The following PDE4B variants were observed in gnomAD, a reference collection of about 807,000 sequenced individuals.
PDE4B encodes 3',5'-cyclic-AMP phosphodiesterase 4B.
PDE4B carries 20 observed loss-of-function variants against 82.2 expected under a neutral mutation model. The observed-to-expected ratio is 0.24, with a 90% CI of 0.17 to 0.35. The LOEUF (loss-of-function observed/expected upper bound fraction) is 0.35, where lower values mean the gene tolerates loss of function less well. Ranked by LOEUF, PDE4B falls within the 10% of genes least tolerant of loss-of-function variation. The probability of loss-of-function intolerance (pLI) is 1.00; values close to 1 mark genes in which losing one functional copy is unlikely to be tolerated. For synonymous variants in PDE4B, 320 were observed against 318.9 expected (o/e 1.00, Z -0.04); for missense variants, 655 against 907.2 (o/e 0.72, Z 3.57).
intron 3 of PDE4B, among the ~76,000 whole-genome samples, chr1:66,166,873 C>T (rs1280344130): frequency 2.0e-5 from 3 of 152,064 alleles, no homozygotes; most frequent in Non-Finnish European, 4.4e-5. Context: ...CAGACCGTAA[C>T]TAACAAATGG....
At chr1:65,806,691 G>A (rs1645758577) in intron 1 of PDE4B, among the ~76,000 whole-genome samples, 1 of 152,136 alleles carries the variant, frequency 6.6e-6, no homozygotes, top group African/African-American at 2.4e-5. Flanking sequence ...CTGCTTTGGG[G>A]ATGTTGTTAA....
rs192837053 is a variant in PDE4B, at chr1:65,946,207, G to A, written c.281+27372G>A. On this transcript the variant is annotated intron_variant, in intron 3 of 16. Transcript: ENST00000341517. ...GCATGCGGGTTTGTGACATATGTTT[G>A]TGTATCTTTCTTATACCTTCTTACA... 7.2e-5 allele frequency among the ~76,000 whole-genome samples: 11 copies of A among 152,068 alleles called. No homozygotes were observed. The East Asian group carries it at 1.4e-3, about 19-fold the overall frequency.
At chr1:65,834,926 C>T (rs1055136090) in intron 1 of PDE4B, among the ~76,000 whole-genome samples, 7 of 152,100 alleles carry the variant, frequency 4.6e-5, no homozygotes, top group African/African-American at 1.7e-4. Flanking sequence ...AAATCAGAGC[C>T]TCATCCCTGG....
At chr1:66,033,611 C>T (rs1653910795) in intron 3 of PDE4B, among the ~76,000 whole-genome samples, 2 of 151,538 alleles carry the variant, frequency 1.3e-5, no homozygotes, top group South Asian at 4.2e-4. Context: ...TAGAATCTTA[C>T]TTGGAATGTG....
Position 66,230,134 on chromosome 1 carries a change from T to C in PDE4B, c.282-17326T>C, listed in dbSNP as rs1192858349. ...GAGTTGCTTAATTTGCCCTAATTCC[T>C]GGTTTTTGCAGCCCCTGTCCTAGGC... is the stretch of plus-strand genomic sequence containing the variant. On this transcript the variant is annotated intron_variant, in intron 3 of 16. Transcript: ENST00000341517. 2.6e-5 allele frequency among the ~76,000 whole-genome samples: 4 copies of C among 152,356 alleles called. No individual in the cohort carries two copies. In the East Asian group the frequency reaches 7.7e-4, roughly 29 times the overall value.
chr1:65,963,312 C>A (rs953266841), intron 3 of PDE4B, among the ~76,000 whole-genome samples: 1 of 152,180 alleles, frequency 6.6e-6, no homozygotes, highest in East Asian at 1.9e-4. Context: ...TACAAGCCTG[C>A]CCTCCAGCTC....
intron 7 of PDE4B, among the ~76,000 whole-genome samples, chr1:66,314,837 G>C (rs1366397996): frequency 2.0e-5 from 3 of 152,174 alleles, no homozygotes; most frequent in African/African-American, 7.2e-5. Flanking sequence ...GCTTAATTCA[G>C]TGCATTTTCA....
At chr1:65,838,202 G>A (rs578044452) in intron 1 of PDE4B, among the ~76,000 whole-genome samples, 5 of 151,916 alleles carry the variant, frequency 3.3e-5, no homozygotes, top group Non-Finnish European at 5.9e-5. Flanking sequence ...TTTAGAGTCC[G>A]TAAGAACGGA....
At chr1:65,989,892 CA>C (rs1368649502) in intron 3 of PDE4B, among the ~76,000 whole-genome samples, 292 of 16,376 alleles carry the variant, frequency 0.018, 1 homozygote, top group African/African-American at 0.038. Context: ...CAAAGTGTCT[CA>C]TTTTTTTTTT....
intron 3 of PDE4B, among the ~76,000 whole-genome samples, chr1:66,123,726 C>A (rs771191134): frequency 6.6e-6 from 1 of 152,164 alleles, no homozygotes; most frequent in Non-Finnish European, 1.5e-5. Flanking sequence ...GATGCATCTA[C>A]TAAATTGTGA....
intron 3 of PDE4B, among the ~76,000 whole-genome samples, chr1:66,058,805 A>G (rs2871582): frequency 0.84 from 127,900 of 152,264 alleles, 53,890 homozygotes; most frequent in Non-Finnish European, 0.87. Flanking sequence ...CAGTAAAGGA[A>G]GGGGAGGGGC....
chr1:66,030,219 T>C (rs1653696475), intron 3 of PDE4B, among the ~76,000 whole-genome samples: 1 of 152,214 alleles, frequency 6.6e-6, no homozygotes, highest in Admixed American at 6.5e-5. Context: ...TTGTGGTGAA[T>C]AAACCTTTTG....
At chr1:66,267,165 A>G (rs960364991) in intron 7 of PDE4B, 5 of 153,834 alleles carry the variant, frequency 3.3e-5, no homozygotes, top group African/African-American at 1.2e-4. Context: ...GAGAACGAGA[A>G]AAAAAAGTGA....
At chr1:66,286,140 A>G (rs1041689577) in intron 7 of PDE4B, among the ~76,000 whole-genome samples, 10 of 152,184 alleles carry the variant, frequency 6.6e-5, no homozygotes, top group Admixed American at 2.0e-4. Flanking sequence ...TCCATAGAAG[A>G]TGCCATGTGC....
chr1:66,081,563 TAAAG>T (rs1240644257), intron 3 of PDE4B, among the ~76,000 whole-genome samples: 1 of 152,112 alleles, frequency 6.6e-6, no homozygotes, highest in African/African-American at 2.4e-5. Flanking sequence ...ATATAATAAA[TAAAG>T]AAAATTCTAT....
At chr1:66,292,176 G>A (rs995104728) in intron 7 of PDE4B, among the ~76,000 whole-genome samples, 1 of 152,006 alleles carries the variant, frequency 6.6e-6, no homozygotes, top group Admixed American at 6.6e-5. Flanking sequence ...TTCCTATTAA[G>A]GATAAGAAAA....
chr1:66,014,750 A>T (rs527389325), intron 3 of PDE4B, among the ~76,000 whole-genome samples: 1 of 152,234 alleles, frequency 6.6e-6, no homozygotes, highest in Non-Finnish European at 1.5e-5. Flanking sequence ...TGGTTGTCAC[A>T]TCTTGGGGTG....
intron 8 of PDE4B, among the ~76,000 whole-genome samples, chr1:66,334,868 A>C (rs1157167933): frequency 1.3e-5 from 2 of 152,160 alleles, no homozygotes; most frequent in Admixed American, 6.5e-5. Context: ...GCACTTTGGG[A>C]GGTCGAGGCA....
intron 7 of PDE4B, among the ~76,000 whole-genome samples, chr1:66,329,713 C>T (rs1368684806): frequency 1.3e-5 from 2 of 152,168 alleles, no homozygotes; most frequent in Non-Finnish European, 2.9e-5. Context: ...TATTTAATCC[C>T]TTTATAACTT....
Sources: gnomAD v4.1 joint callset for allele counts (sites outside exome capture counted in the v4.1 genomes callset) on GRCh38, gnomAD v4.1.1 for gene constraint, MANE v1.5 for transcripts, NCBI Gene and HGNC (gene_info 2026-07-23, HGNC 2026-07-21) for gene names.